The following CNTN3 variants were observed in gnomAD, a reference collection of about 807,000 sequenced individuals.
The protein encoded by CNTN3 is contactin 3, also known as contactin-3.
A neutral mutation model predicts 119.1 loss-of-function variants in CNTN3; 60 were observed. That is an observed-to-expected ratio of 0.50 (90% CI 0.41 to 0.62). The LOEUF (loss-of-function observed/expected upper bound fraction) is 0.62. Among genes scored for constraint, CNTN3 ranks in the 20% least tolerant of loss-of-function variants. The pLI is 0.00. For missense variants in CNTN3, 1,101 were observed against 1,242.4 expected (o/e 0.89, Z 1.71); for synonymous variants, 450 against 438.7 (o/e 1.03, Z -0.32).
At chr3:74,581,170 A>C (rs61153201) in intron 1 of CNTN3, among the ~76,000 whole-genome samples, 1 of 152,134 alleles carries the variant, frequency 6.6e-6, no homozygotes, top group Admixed American at 6.5e-5. Context: ...AAAGGCATTC[A>C]GATGGAAAAG....
intron 5 of CNTN3, among the ~76,000 whole-genome samples, chr3:74,376,957 TAAAG>T (rs1704490573): frequency 7.2e-6 from 1 of 138,978 alleles, no homozygotes; most frequent in Non-Finnish European, 1.6e-5. Flanking sequence ...AAAAAAAAAT[TAAAG>T]AAAGGCTGTA....
chr3:74,296,220 T>C (rs1040519160), intron 18 of CNTN3, among the ~76,000 whole-genome samples: 2 of 152,096 alleles, frequency 1.3e-5, no homozygotes, highest in Non-Finnish European at 2.9e-5. Context: ...GAAAGACTTT[T>C]AGCTAACTCT....
At chr3:74,592,164 A>T (rs919646230) in intron 1 of CNTN3, among the ~76,000 whole-genome samples, 1 of 151,960 alleles carries the variant, frequency 6.6e-6, no homozygotes, top group African/African-American at 2.4e-5. Context: ...CCAGGACTCA[A>T]CCACAGAACT....
chr3:74,502,940 G>A (rs1189945905), intron 2 of CNTN3, among the ~76,000 whole-genome samples: 1 of 152,110 alleles, frequency 6.6e-6, no homozygotes, highest in Non-Finnish European at 1.5e-5. Context: ...TTAGAACACA[G>A]TAGATATTCA....
Position 74,501,938 on chromosome 3 carries a change from AAAT to A in CNTN3, c.56-2156_56-2154del, listed in dbSNP as rs764517697. On this transcript the variant is annotated intron_variant, in intron 2 of 22. Transcript: ENST00000263665. ...GCCCCTCAACCAATTCACTGAATAG[AAAT>A]AATAAGTAAAAACAAAAATGCCATT... Among the ~76,000 whole-genome samples the A allele has an allele frequency of 1.2e-3, 189 of 152,292 alleles. 1 individual carries two copies. The highest frequency in any genetic ancestry group is 1.6e-3 in the Non-Finnish European group (108 of 68,024).
intron 4 of CNTN3, among the ~76,000 whole-genome samples, chr3:74,472,936 A>C (rs1575760710): frequency 6.6e-6 from 1 of 152,252 alleles, no homozygotes; most frequent in African/African-American, 2.4e-5. Flanking sequence ...ATTGTCGGTA[A>C]TTTTTATTTT....
intron 1 of CNTN3, among the ~76,000 whole-genome samples, chr3:74,602,264 C>T (rs1258554474): frequency 2.8e-5 from 4 of 143,344 alleles, no homozygotes; most frequent in African/African-American, 7.9e-5. Flanking sequence ...CCACTATACT[C>T]CAGCCCAGGC....
chr3:74,455,001 CAA>C (rs896875463), intron 4 of CNTN3, among the ~76,000 whole-genome samples: 4 of 152,066 alleles, frequency 2.6e-5, no homozygotes, highest in African/African-American at 7.2e-5. Context: ...TTGCTCTTCT[CAA>C]AGAGTATCTT....
intron 1 of CNTN3, among the ~76,000 whole-genome samples, chr3:74,522,942 G>A (rs1192309377): frequency 1.3e-5 from 2 of 151,638 alleles, no homozygotes; most frequent in East Asian, 2.0e-4. Context: ...CAGGTCCCAC[G>A]TGATTGATGG....
At chr3:74,600,303 C>T (rs1704888645) in intron 1 of CNTN3, among the ~76,000 whole-genome samples, 1 of 152,042 alleles carries the variant, frequency 6.6e-6, no homozygotes, top group South Asian at 2.1e-4. Flanking sequence ...GTGGGACCAA[C>T]TTGGGGTCTG....
At chr3:74,302,895 G>T in intron 13 of CNTN3, 88 bp from the exon 14 acceptor site, 1 of 782,360 alleles carries the variant, frequency 1.3e-6, no homozygotes, top group Non-Finnish European at 2.1e-6. Flanking sequence ...CAACAACATT[G>T]CAATGAAAAC....
intron 1 of CNTN3, among the ~76,000 whole-genome samples, chr3:74,557,425 C>T (rs1271409160): frequency 6.6e-6 from 1 of 152,094 alleles, no homozygotes; most frequent in Non-Finnish European, 1.5e-5. Context: ...GGCCTTCTTG[C>T]ATGGATGAGG....
At chr3:74,539,633 A>G (rs940008273) in intron 1 of CNTN3, among the ~76,000 whole-genome samples, 6 of 152,088 alleles carry the variant, frequency 3.9e-5, no homozygotes, top group African/African-American at 1.4e-4. Context: ...CCCTACATAG[A>G]TATCTGTAGA....
chr3:74,504,989 G>A (rs1449056408), intron 2 of CNTN3, among the ~76,000 whole-genome samples: 1 of 152,108 alleles, frequency 6.6e-6, no homozygotes, highest in Non-Finnish European at 1.5e-5. Flanking sequence ...TGAGGGTTGT[G>A]AGAGAAGGAT....
intron 1 of CNTN3, among the ~76,000 whole-genome samples, chr3:74,533,531 G>A (rs1375540177): frequency 2.0e-5 from 3 of 151,890 alleles, no homozygotes; most frequent in African/African-American, 7.3e-5. Context: ...ATGCACACAT[G>A]TTATGTCATT....
At chr3:74,522,803 C>T (rs7431829) in intron 1 of CNTN3, among the ~76,000 whole-genome samples, 87,396 of 151,268 alleles carry the variant, frequency 0.58, 25,619 homozygotes, top group South Asian at 0.63. Context: ...AGGAAAGAAA[C>T]ATATATGCTA....
intron 13 of CNTN3, among the ~76,000 whole-genome samples, chr3:74,309,619 G>A (rs748623292): frequency 2.6e-5 from 4 of 152,156 alleles, no homozygotes; most frequent in South Asian, 2.1e-4. Flanking sequence ...ACTAGAAAGA[G>A]GAGACTCTCT....
intron 2 of CNTN3, among the ~76,000 whole-genome samples, chr3:74,516,973 G>A (rs867926837): frequency 6.6e-6 from 1 of 151,944 alleles, no homozygotes. Context: ...GGGAAATGAG[G>A]ACTGAACCCT....
rs569795486 is a variant in CNTN3, at chr3:74,269,095, G to A, written c.2705-1717C>T. On this transcript the variant is annotated intron_variant, in intron 20 of 22. Transcript: ENST00000263665. The stretch of plus-strand genomic sequence containing the variant: ...AGGAAAACAAAAAAGAAATAATAGG[G>A]TCTAACTTTGTTCTTTTTGAATCAT... Among the ~76,000 whole-genome samples the A allele has an allele frequency of 1.1e-4, 16 of 151,306 alleles. No homozygotes were observed. In the South Asian group the frequency reaches 1.7e-3, roughly 16 times the overall value.
Sources: allele counts gnomAD v4.1 joint callset (sites outside exome capture counted in the v4.1 genomes callset), GRCh38; gene constraint gnomAD v4.1.1; transcripts MANE v1.5; gene names NCBI Gene and HGNC (gene_info 2026-07-23, HGNC 2026-07-21).